The following MALT1 variants were observed in gnomAD, a reference collection of about 807,000 sequenced individuals.
MALT1 encodes MALT1 paracaspase.
MALT1 carries 36 observed loss-of-function variants against 85.5 expected under a neutral mutation model. The ratio of observed to expected loss-of-function variants is 0.42; its 90% CI spans 0.32 to 0.56. MALT1 has a LOEUF of 0.56. MALT1 is among the 20% of genes least tolerant of loss of function. MALT1 has a pLI of 0.10. For synonymous variants in MALT1, 359 were observed against 361.3 expected (o/e 0.99, Z 0.07); for missense variants, 716 against 981.6 (o/e 0.73, Z 3.62).
At chr18:58,737,630 T>C (rs2055242242) in intron 13 of MALT1, among the ~76,000 whole-genome samples, 1 of 152,202 alleles carries the variant, frequency 6.6e-6, no homozygotes, top group Non-Finnish European at 1.5e-5. Context: ...TCGCGCAGGC[T>C]AGAGTGCAGT....
At chr18:58,720,136 T>G (rs1194143637) in intron 9 of MALT1, among the ~76,000 whole-genome samples, 1 of 152,232 alleles carries the variant, frequency 6.6e-6, no homozygotes, top group Non-Finnish European at 1.5e-5. Context: ...GTTTCACTTT[T>G]CCAATAAATT....
In MALT1 at chr18:58,752,792, G is replaced by A. The variant is rs62093498; in HGVS notation, c.*4950G>A. ...TCCAGCCTGGACGACAGGGCAAGAC[G>A]CTGTCTCAAAAATAAAATATTAGTA... is the stretch of plus-strand genomic sequence containing the variant. On this transcript the variant is annotated 3_prime_UTR_variant, in exon 17 of 17. Coordinates refer to ENST00000649217, the MANE Select transcript of MALT1 (RefSeq NM_006785.4). The A allele has an allele frequency of 0.1, 15,570 of 152,130 alleles. 1,053 individuals are homozygous for A. The highest frequency in any genetic ancestry group is 0.16 in the Admixed American group (2,441 of 15,280). 9.4% of individuals were successfully genotyped at this position (152,130 alleles called of 1,614,324 possible). A position where few individuals can be genotyped will look rare whatever the true frequency, so the allele number is the denominator to read the frequency against.
At chr18:58,678,806 TATAAA>T (rs950150738) in intron 1 of MALT1, among the ~76,000 whole-genome samples, 2 of 152,222 alleles carry the variant, frequency 1.3e-5, no homozygotes, top group African/African-American at 4.8e-5. Flanking sequence ...AACAGTTGTC[TATAAA>T]ATAAGTGCAG....
chr18:58,740,045 T>C (rs2055280859), intron 13 of MALT1, among the ~76,000 whole-genome samples: 1 of 152,250 alleles, frequency 6.6e-6, no homozygotes, highest in Non-Finnish European at 1.5e-5. Flanking sequence ...GAATATTTCT[T>C]GTACCATATA....
At chr18:58,745,864 A>G (rs1321490940) in intron 16 of MALT1, 73 bp downstream of exon 16, 1 of 1,350,392 alleles carries the variant, frequency 7.4e-7, no homozygotes, top group Non-Finnish European at 1.0e-6. Context: ...GGCATAGACC[A>G]TAGATATGCT....
chr18:58,711,423 T>A (rs1255089560), intron 7 of MALT1, among the ~76,000 whole-genome samples: 2 of 152,206 alleles, frequency 1.3e-5, no homozygotes, highest in Non-Finnish European at 1.5e-5. Context: ...ATATGTTCTA[T>A]GAAATATTAA....
chr18:58,725,408 G>A (rs1392315888), intron 10 of MALT1, among the ~76,000 whole-genome samples: 2 of 151,942 alleles, frequency 1.3e-5, no homozygotes, highest in African/African-American at 4.8e-5. Flanking sequence ...TTATGTATAC[G>A]TAAATATTCC....
chr18:58,676,019 C>T (rs1246056983), intron 1 of MALT1, among the ~76,000 whole-genome samples: 1 of 152,146 alleles, frequency 6.6e-6, no homozygotes, highest in Admixed American at 6.5e-5. Context: ...TTTGTCAGCC[C>T]ATCCTTCCTG....
At chr18:58,716,292 G>T (rs550509806) in intron 9 of MALT1, among the ~76,000 whole-genome samples, 25 of 152,308 alleles carry the variant, frequency 1.6e-4, no homozygotes, top group African/African-American at 6.0e-4. Flanking sequence ...TCTTGGTGAG[G>T]GATAGAAATC....
chr18:58,727,614 G>GTTTTTTTTTTTT (rs1602327763), intron 10 of MALT1, among the ~76,000 whole-genome samples: 3 of 110,512 alleles, frequency 2.7e-5, no homozygotes, highest in African/African-American at 1.3e-4. Flanking sequence ...AAGGTTTTTT[G>GTTTTTTTTTTTT]TGTTTTTTTT....
chr18:58,713,285 C>A (rs2054857023), intron 7 of MALT1, among the ~76,000 whole-genome samples: 1 of 152,036 alleles, frequency 6.6e-6, no homozygotes, highest in South Asian at 2.1e-4. Context: ...AATGTCATTA[C>A]TTATTTTACC....
chr18:58,696,605 G>C (rs2054593617), intron 3 of MALT1, 118 bp downstream of exon 3: 1 of 791,316 alleles, frequency 1.3e-6, no homozygotes. Flanking sequence ...GATAGACATT[G>C]CTAGGTTATT....
intron 2 of MALT1, among the ~76,000 whole-genome samples, chr18:58,692,773 A>C (rs1456547300): frequency 3.3e-5 from 5 of 152,236 alleles, no homozygotes; most frequent in Admixed American, 3.3e-4. Context: ...CTCTTGTGCC[A>C]GTTAACCAAG....
intron 10 of MALT1, among the ~76,000 whole-genome samples, chr18:58,725,689 T>G (rs1321337391): frequency 6.6e-6 from 1 of 152,222 alleles, no homozygotes; most frequent in East Asian, 1.9e-4. Context: ...TATGAAGAAT[T>G]ACTACCTTGG....
rs1229581231 is a variant in MALT1, at chr18:58,750,819, T to C, written c.*2977T>C. On this transcript the variant is annotated 3_prime_UTR_variant, in exon 17 of 17. Coordinates refer to ENST00000649217, the MANE Select transcript of MALT1 (RefSeq NM_006785.4). ...TTTGTGATGTTGGGCTTAGGAATGG[T>C]TTCTTAGACATAATACCAAAAGCAC... 1 of 152,114 alleles carries C rather than the reference T, an allele frequency of 6.6e-6. No individual in the cohort carries two copies. The highest frequency in any genetic ancestry group is 2.4e-5 in the African/African-American group (1 of 41,412). 9.4% of individuals were successfully genotyped at this position (152,114 alleles called of 1,614,324 possible). A position where few individuals can be genotyped will look rare whatever the true frequency, so the allele number is the denominator to read the frequency against.
intron 13 of MALT1, among the ~76,000 whole-genome samples, chr18:58,735,619 T>C (rs1007782824): frequency 6.6e-6 from 1 of 151,924 alleles, no homozygotes; most frequent in African/African-American, 2.4e-5. Context: ...CTCAGAGCTC[T>C]ACTTTGCTTC....
intron 2 of MALT1, among the ~76,000 whole-genome samples, chr18:58,692,888 G>T (rs191446078): frequency 5.3e-4 from 80 of 152,304 alleles, no homozygotes; most frequent in African/African-American, 1.8e-3. Context: ...GATGGAGAAA[G>T]TTATAGTAGT....
At position 58,749,216 on chromosome 18, in the gene MALT1, T is replaced by C. The variant is rs1382518669; in HGVS notation, c.*1374T>C. 9.2e-6 allele frequency: 2 copies of C among 216,550 alleles called. No individual in the cohort carries two copies. Among genetic ancestry groups the C allele is most frequent in the African/African-American group, 4.5e-5 (2 of 44,412 alleles). The allele number at this position is 216,550 out of a possible 1,614,324, so 13.4% of individuals were successfully genotyped here. On this transcript the variant is annotated 3_prime_UTR_variant, in exon 17 of 17. Coordinates refer to ENST00000649217, the MANE Select transcript of MALT1 (RefSeq NM_006785.4). ...GAATTAAATATGGAACAACTGCTTTTAGGAGAAAGTGTATTTGTGTATATG... is the reference window on the plus strand; with the variant it reads ...GAATTAAATATGGAACAACTGCTTTCAGGAGAAAGTGTATTTGTGTATATG...
rs141711445 is a variant in MALT1 at position 58,720,258 on chromosome 18, G to A, written c.1019-2790G>A. On this transcript the variant is annotated intron_variant, in intron 9 of 16. Coordinates refer to ENST00000649217, the MANE Select transcript of MALT1 (RefSeq NM_006785.4). The stretch of plus-strand genomic sequence containing the variant: ...CATTATAAATTGCTTTATATTTGCC[G>A]TCTTGAAGTTTTCTTTATTCCTCAC... Among the ~76,000 whole-genome samples the A allele has an allele frequency of 4.4e-3, 674 of 152,172 alleles. 4 individuals are homozygous for A. The highest frequency in any genetic ancestry group is 8.1e-3 in the Non-Finnish European group (552 of 68,006).
Sources: gnomAD v4.1 joint callset for allele counts (sites outside exome capture counted in the v4.1 genomes callset) on GRCh38, gnomAD v4.1.1 for gene constraint, MANE v1.5 for transcripts, NCBI Gene and HGNC (gene_info 2026-07-23, HGNC 2026-07-21) for gene names.